RNGTT: variants seen among roughly 807,000 people sequenced by gnomAD.
RNGTT encodes RNA guanylyltransferase and 5'-phosphatase.
Under a neutral mutation model 79.3 loss-of-function variants are expected in RNGTT, and 33 were observed. The observed-to-expected ratio is 0.42, with a 90% CI of 0.32 to 0.56. The LOEUF is 0.56. Ranked by LOEUF, RNGTT falls within the 20% of genes least tolerant of loss-of-function variation. The pLI is 0.17. For missense variants in RNGTT, 497 were observed against 739.1 expected (o/e 0.67, Z 3.80); for synonymous variants, 222 against 235.9 (o/e 0.94, Z 0.54).
intron 2 of RNGTT, 45 bp from the exon 3 acceptor site, chr6:88,929,312 A>G: frequency 8.2e-7 from 1 of 1,219,932 alleles, no homozygotes; most frequent in Non-Finnish European, 1.2e-6. Context: ...TAGTAACTTA[A>G]TTTGTTCCCA....
chr6:88,801,897 T>C (rs1415341114), intron 11 of RNGTT, among the ~76,000 whole-genome samples: 2 of 150,738 alleles, frequency 1.3e-5, no homozygotes, highest in South Asian at 2.1e-4. Flanking sequence ...TTCTAAACAA[T>C]AGTCCTAACT....
intron 14 of RNGTT, among the ~76,000 whole-genome samples, chr6:88,647,701 T>TAAAAAAAAAAAAAGA (rs1773624142): frequency 2.0e-5 from 2 of 100,892 alleles, no homozygotes; most frequent in African/African-American, 1.0e-4. Context: ...GACACCCTGT[T>TAAAAAAAAAAAAAGA]AAAAAAAAAA....
At chr6:88,754,856 TAAGG>T (rs1230036325) in intron 13 of RNGTT, among the ~76,000 whole-genome samples, 1 of 152,222 alleles carries the variant, frequency 6.6e-6, no homozygotes, top group Non-Finnish European at 1.5e-5. Context: ...TTGTTTCCCA[TAAGG>T]AATACTTTTA....
At chr6:88,952,484 A>C (rs923036506) in intron 1 of RNGTT, among the ~76,000 whole-genome samples, 1 of 152,136 alleles carries the variant, frequency 6.6e-6, no homozygotes. Context: ...TGAAAGCACC[A>C]CCTCCTGGCT....
chr6:88,765,453 T>TA (rs1445451441), intron 13 of RNGTT, among the ~76,000 whole-genome samples: 1 of 152,334 alleles, frequency 6.6e-6, no homozygotes, highest in African/African-American at 2.4e-5. Flanking sequence ...GCATCATTTA[T>TA]TTAATCCCCA....
chr6:88,956,602 G>T (rs960513677), intron 1 of RNGTT, among the ~76,000 whole-genome samples: 1 of 151,978 alleles, frequency 6.6e-6, no homozygotes, highest in South Asian at 2.1e-4. Context: ...GAAAACTAGA[G>T]ACCAATATCC....
At chr6:88,922,060 TTTA>T (rs1784181021) in intron 4 of RNGTT, among the ~76,000 whole-genome samples, 4 of 151,734 alleles carry the variant, frequency 2.6e-5, no homozygotes, top group African/African-American at 9.7e-5. Context: ...TTTTTTTGCC[TTTA>T]TTATTATTAT....
chr6:88,838,741 T>C (rs1165245288), intron 11 of RNGTT, among the ~76,000 whole-genome samples: 1 of 152,138 alleles, frequency 6.6e-6, no homozygotes, highest in Non-Finnish European at 1.5e-5. Flanking sequence ...TAGGCTTTTT[T>C]GTAGAAATTG....
intron 4 of RNGTT, 86 bp from the exon 5 acceptor site, chr6:88,906,526 A>T (rs1396151802): frequency 2.9e-6 from 2 of 693,180 alleles, no homozygotes; most frequent in African/African-American, 3.6e-5. Flanking sequence ...CAATCAAAAC[A>T]TTTCAGCTAG....
intron 1 of RNGTT, among the ~76,000 whole-genome samples, chr6:88,948,485 G>A (rs1343173939): frequency 4.5e-3 from 650 of 144,830 alleles, no homozygotes; most frequent in Non-Finnish European, 7.0e-3. Flanking sequence ...CCGGGAGGGA[G>A]GTGGGGGGGT....
At chr6:88,690,326 T>G (rs1333496466) in intron 13 of RNGTT, among the ~76,000 whole-genome samples, 1 of 152,038 alleles carries the variant, frequency 6.6e-6, no homozygotes, top group Non-Finnish European at 1.5e-5. Flanking sequence ...ATATTAAAAA[T>G]GGGGGAAACC....
chr6:88,616,348 A>G (rs6918410), intron 14 of RNGTT, among the ~76,000 whole-genome samples: 4,581 of 152,188 alleles, frequency 0.03, 235 homozygotes, highest in African/African-American at 0.1. Flanking sequence ...TCCGGTTTTA[A>G]ATTATTTTGG....
intron 1 of RNGTT, among the ~76,000 whole-genome samples, chr6:88,957,325 C>CT (rs1000781111): frequency 8.5e-5 from 13 of 152,150 alleles, no homozygotes; most frequent in Non-Finnish European, 1.8e-4. Flanking sequence ...AAGGATGCTA[C>CT]TTTCACCACT....
In RNGTT at chr6:88,692,154, C is replaced by T. The variant is rs144535440; in HGVS notation, c.1440-13735G>A. On this transcript the variant is annotated intron_variant, in intron 13 of 15. Coordinates refer to ENST00000369485, the MANE Select transcript of RNGTT (RefSeq NM_003800.5). ...AACAGGTAGAGCAAGCCAGTGATAA[C>T]TGAAAGAGAGGAGGCAAATGAAGTG... Among the ~76,000 whole-genome samples the T allele has an allele frequency of 3.7e-4, 56 of 152,260 alleles. 1 individual carries two copies. Among genetic ancestry groups the T allele is most frequent in the African/African-American group, 7.2e-4 (30 of 41,556 alleles).
chr6:88,689,616 ACC>A (rs1406667305), intron 13 of RNGTT, among the ~76,000 whole-genome samples: 2 of 150,780 alleles, frequency 1.3e-5, no homozygotes, highest in African/African-American at 4.9e-5. Context: ...AAAAGTCTAT[ACC>A]AATATAAATA....
intron 8 of RNGTT, among the ~76,000 whole-genome samples, chr6:88,887,813 C>T (rs141525227): frequency 6.6e-6 from 1 of 152,176 alleles, no homozygotes; most frequent in East Asian, 1.9e-4. Context: ...GAAAGCAATG[C>T]AGAAAGTAAA....
rs2127852037 is a variant in RNGTT, at chr6:88,785,822, A to G, written c.1338+15742T>C. ...AACATTCAATATACCTGGCAGTAGT[A>G]AAGATTTAATAAAAATATTAATATT... is the stretch of plus-strand genomic sequence containing the variant. On this transcript the variant is annotated intron_variant, in intron 12 of 15. Coordinates refer to ENST00000369485, the MANE Select transcript of RNGTT (RefSeq NM_003800.5). 2.0e-5 allele frequency among the ~76,000 whole-genome samples: 3 copies of G among 152,294 alleles called. 1 individual carries two copies. In the South Asian group the frequency reaches 6.2e-4, roughly 32 times the overall value.
intron 13 of RNGTT, among the ~76,000 whole-genome samples, chr6:88,696,819 A>C (rs923562427): frequency 1.1e-4 from 17 of 152,320 alleles, no homozygotes; most frequent in South Asian, 4.1e-4. Context: ...AAATGTAAGA[A>C]CATTATGTTA....
intron 11 of RNGTT, among the ~76,000 whole-genome samples, chr6:88,837,848 C>T (rs1227548345): frequency 2.0e-5 from 3 of 152,136 alleles, no homozygotes; most frequent in African/African-American, 7.2e-5. Flanking sequence ...GTATATCATA[C>T]TCTGAAGAAA....
Sources: allele counts gnomAD v4.1 joint callset (sites outside exome capture counted in the v4.1 genomes callset), GRCh38; gene constraint gnomAD v4.1.1; transcripts MANE v1.5; gene names NCBI Gene and HGNC (gene_info 2026-07-23, HGNC 2026-07-21).